The following SGCZ variants were observed in gnomAD, a reference collection of about 807,000 sequenced individuals.
The protein encoded by SGCZ is sarcoglycan zeta, also known as zeta-sarcoglycan.
In SGCZ, 40 loss-of-function variants were observed where a neutral mutation model predicts 41.3. The observed-to-expected ratio is 0.97, with a 90% CI of 0.75 to 1.26. The LOEUF (loss-of-function observed/expected upper bound fraction) is 1.26, where lower values mean the gene tolerates loss of function less well. Among genes scored for constraint, SGCZ ranks in the 50% most tolerant of loss-of-function variants. SGCZ has a pLI of 0.00. For missense variants in SGCZ, 552 were observed against 369.8 expected, an observed-to-expected ratio of 1.49 and a Z score of -4.04; for synonymous variants, 206 against 137.5, an observed-to-expected ratio of 1.50 and a Z score of -3.49.
rs548125490 is a variant in SGCZ, at chr8:14,529,575, A to G, written c.234+25157T>C. On this transcript the variant is annotated intron_variant, in intron 2 of 7. Coordinates refer to ENST00000382080, the MANE Select transcript of SGCZ (RefSeq NM_139167.4). The stretch of plus-strand genomic sequence containing the variant: ...GTACTTTCCATGATCACACCTACAT[A>G]GGAAAGCATTTGGGTATGCAATGGA... Among the ~76,000 whole-genome samples the G allele has an allele frequency of 8.5e-5, 13 of 152,284 alleles. No individual in the cohort carries two copies. In the East Asian group the frequency reaches 1.9e-3, roughly 23 times the overall value.
chr8:14,686,349 GC>G (rs1266253066), intron 1 of SGCZ, among the ~76,000 whole-genome samples: 1 of 152,072 alleles, frequency 6.6e-6, no homozygotes, highest in Non-Finnish European at 1.5e-5. Context: ...AAAATCTGGT[GC>G]ACTAAATAAA....
At chr8:15,132,439 T>A (rs1387742303) in intron 1 of SGCZ, among the ~76,000 whole-genome samples, 3 of 152,142 alleles carry the variant, frequency 2.0e-5, no homozygotes, top group Non-Finnish European at 2.9e-5. Flanking sequence ...ACATGCCTCA[T>A]GGAGATACAA....
At chr8:14,839,917 T>G (rs1802841095) in intron 1 of SGCZ, among the ~76,000 whole-genome samples, 1 of 152,188 alleles carries the variant, frequency 6.6e-6, no homozygotes, top group African/African-American at 2.4e-5. Context: ...TATTAACATT[T>G]TCTATATTTA....
Position 14,102,651 on chromosome 8 carries a change from C to T in SGCZ, c.621-152G>A, listed in dbSNP as rs1259920599. On this transcript the variant is annotated intron_variant, in intron 6 of 7. Transcript: ENST00000382080. ...AAAGGAAAAGTCCTACCATTTTAGG[C>T]AAAGCCAGAATGAGTTTCAGAACAA... 4.3e-6 allele frequency: 3 copies of T among 695,886 alleles called. No homozygotes were observed. In the African/African-American group the frequency reaches 5.6e-5, roughly 13 times the overall value. 43.1% of individuals were successfully genotyped at this position (695,886 alleles called of 1,614,324 possible).
At chr8:14,705,502 C>A (rs994448396) in intron 1 of SGCZ, among the ~76,000 whole-genome samples, 2 of 151,968 alleles carry the variant, frequency 1.3e-5, no homozygotes, top group Admixed American at 6.6e-5. Flanking sequence ...TAGAGTATTA[C>A]TGCATTGCAA....
At position 14,851,727 on chromosome 8, in the gene SGCZ, C is replaced by A. The variant is rs145595857; in HGVS notation, c.40-296801G>T. 4.1e-3 allele frequency among the ~76,000 whole-genome samples: 622 copies of A among 151,908 alleles called. 3 individuals carry two copies. Among genetic ancestry groups the A allele is most frequent in the South Asian group, 0.018 (87 of 4,782 alleles). On this transcript the variant is annotated intron_variant, in intron 1 of 7. Transcript: ENST00000382080. ...TGATTTTCCATTTATATATATCTAT[C>A]CTTTGTGTCATTATTATCATAGTCT...
chr8:14,618,092 A>G (rs938520589), intron 1 of SGCZ, among the ~76,000 whole-genome samples: 3 of 66,728 alleles, frequency 4.5e-5, no homozygotes, highest in Admixed American at 3.0e-4. Flanking sequence ...TATCCAACAG[A>G]TATTTATGGA....
rs1474288833 is a variant in SGCZ at position 15,145,623 on chromosome 8, G to A, written c.39+91962C>T. Among the ~76,000 whole-genome samples, 5 of 151,978 alleles carry A rather than the reference G, an allele frequency of 3.3e-5. No individual in the cohort carries two copies. The East Asian group carries it at 7.7e-4, about 24-fold the overall frequency. On this transcript the variant is annotated intron_variant, in intron 1 of 7. Transcript: ENST00000382080. Reference sequence around the variant, plus strand: ...CTTGGACTACAGGTACACACCATCTGATTTTCTTTTCTTCAGAGACAAGGT... The same window carrying A: ...CTTGGACTACAGGTACACACCATCTAATTTTCTTTTCTTCAGAGACAAGGT...
intron 1 of SGCZ, among the ~76,000 whole-genome samples, chr8:15,020,682 T>C (rs879526149): frequency 3.3e-5 from 5 of 152,196 alleles, no homozygotes; most frequent in Non-Finnish European, 7.3e-5. Flanking sequence ...TTATAATTTA[T>C]CTTAATTACA....
intron 4 of SGCZ, among the ~76,000 whole-genome samples, chr8:14,183,864 G>T (rs1452024354): frequency 6.6e-6 from 1 of 152,070 alleles, no homozygotes; most frequent in African/African-American, 2.4e-5. Flanking sequence ...TATGTTATAA[G>T]AATTGGAAAG....
At chr8:14,943,702 C>A (rs895563849) in intron 1 of SGCZ, among the ~76,000 whole-genome samples, 5 of 152,076 alleles carry the variant, frequency 3.3e-5, no homozygotes, top group African/African-American at 1.2e-4. Flanking sequence ...CCACTCAATA[C>A]GTAGTTTTTT....
chr8:14,298,168 T>G (rs1423944981), intron 3 of SGCZ, among the ~76,000 whole-genome samples: 1 of 152,028 alleles, frequency 6.6e-6, no homozygotes, highest in African/African-American at 2.4e-5. Flanking sequence ...ACATTCATGA[T>G]AAATACTTTC....
intron 2 of SGCZ, among the ~76,000 whole-genome samples, chr8:14,328,003 A>G (rs1173980804): frequency 1.3e-5 from 2 of 152,208 alleles, no homozygotes; most frequent in East Asian, 3.8e-4. Context: ...GACTGCTCTT[A>G]TAACACCGTG....
At chr8:14,411,283 A>C (rs1396300056) in intron 2 of SGCZ, among the ~76,000 whole-genome samples, 2 of 152,170 alleles carry the variant, frequency 1.3e-5, no homozygotes, top group Admixed American at 6.6e-5. Flanking sequence ...TGCTCTTAAC[A>C]AAAACAAAAA....
chr8:14,621,475 C>T (rs1011347783), intron 1 of SGCZ, among the ~76,000 whole-genome samples: 4 of 149,282 alleles, frequency 2.7e-5, no homozygotes, highest in Non-Finnish European at 6.0e-5. Context: ...TTGGGAAGCA[C>T]AAAAAAAATA....
intron 1 of SGCZ, among the ~76,000 whole-genome samples, chr8:15,005,239 A>G (rs2130916815): frequency 6.6e-6 from 1 of 152,224 alleles, no homozygotes; most frequent in South Asian, 2.1e-4. Flanking sequence ...ATTTAGCACC[A>G]TCTCAAAATG....
intron 2 of SGCZ, among the ~76,000 whole-genome samples, chr8:14,421,326 AG>A: frequency 6.6e-6 from 1 of 152,204 alleles, no homozygotes; most frequent in African/African-American, 2.4e-5. Flanking sequence ...AAACAATATG[AG>A]GCAATTTGTA....
chr8:14,861,888 T>G (rs927453196), intron 1 of SGCZ, among the ~76,000 whole-genome samples: 1 of 152,086 alleles, frequency 6.6e-6, no homozygotes, highest in Non-Finnish European at 1.5e-5. Flanking sequence ...CTTCTCCAAA[T>G]AGGATGGAAA....
chr8:14,933,547 T>C (rs1012803557), intron 1 of SGCZ, among the ~76,000 whole-genome samples: 1 of 149,256 alleles, frequency 6.7e-6, no homozygotes, highest in South Asian at 2.2e-4. Flanking sequence ...TTCTCCTGCC[T>C]CAGCCTCCAG....
Sources: gnomAD v4.1 joint callset for allele counts (sites outside exome capture counted in the v4.1 genomes callset) on GRCh38, gnomAD v4.1.1 for gene constraint, MANE v1.5 for transcripts, NCBI Gene and HGNC (gene_info 2026-07-23, HGNC 2026-07-21) for gene names.